The following CDKN2B-AS1 variants were observed in gnomAD, a reference collection of about 807,000 sequenced individuals.
CDKN2B-AS1 encodes CDKN2B antisense RNA 1 (non-protein coding).
intron 4 of CDKN2B-AS1, among the ~76,000 whole-genome samples, chr9:22,064,814 T>A (rs906582709): frequency 6.6e-6 from 1 of 152,120 alleles, no homozygotes; most frequent in Non-Finnish European, 1.5e-5. Flanking sequence ...TCATTTAACA[T>A]CTCATTTCTA....
At chr9:22,061,014 A>T (rs551858448) in intron 4 of CDKN2B-AS1, among the ~76,000 whole-genome samples, 1 of 152,306 alleles carries the variant, frequency 6.6e-6, no homozygotes, top group African/African-American at 2.4e-5. Flanking sequence ...AAACCATATC[A>T]CTATACCACA....
intron 3 of CDKN2B-AS1, among the ~76,000 whole-genome samples, chr9:22,052,774 T>C (rs1185904232): frequency 6.6e-6 from 1 of 152,238 alleles, no homozygotes; most frequent in Non-Finnish European, 1.5e-5. Flanking sequence ...TTAACCTGAA[T>C]TGGGTTCTCA....
intron 3 of CDKN2B-AS1, among the ~76,000 whole-genome samples, chr9:22,052,498 T>G (rs1373119335): frequency 6.6e-6 from 1 of 152,180 alleles, no homozygotes; most frequent in Non-Finnish European, 1.5e-5. Flanking sequence ...TACAGAAGCA[T>G]TGAGAATTTC....
chr9:22,026,816 A>T (rs1216310565), intron 1 of CDKN2B-AS1, among the ~76,000 whole-genome samples: 1 of 152,186 alleles, frequency 6.6e-6, no homozygotes, highest in Non-Finnish European at 1.5e-5. Context: ...CTGAGACTCC[A>T]CGTGGCTGTG....
In CDKN2B-AS1 at chr9:22,123,329, G is replaced by C. The variant is rs539018397; in HGVS notation, n.439-3774G>C. The stretch of plus-strand genomic sequence containing the variant: ...AATTTGACTTCCTCCTTTCCAATTT[G>C]GATGTCCTTTATTTCTTTGTCTTGC... On this transcript the variant is annotated intron_variant and non_coding_transcript_variant, in intron 4 of 4. Coordinates refer to ENST00000650946, the Ensembl canonical transcript of CDKN2B-AS1. Among the ~76,000 whole-genome samples the C allele has an allele frequency of 2.0e-5, 3 of 152,224 alleles. No homozygotes were observed. In the South Asian group the frequency reaches 6.2e-4, roughly 32 times the overall value.
intron 1 of CDKN2B-AS1, among the ~76,000 whole-genome samples, chr9:22,014,208 G>A (rs1330596292): frequency 6.6e-6 from 1 of 152,020 alleles, no homozygotes; most frequent in African/African-American, 2.4e-5. Flanking sequence ...TGTCACCCAG[G>A]CTGGAGTGCA....
chr9:22,108,379 T>A (rs1352973085), intron 4 of CDKN2B-AS1, among the ~76,000 whole-genome samples: 3 of 152,322 alleles, frequency 2.0e-5, no homozygotes, highest in South Asian at 4.1e-4. Flanking sequence ...TGCACATTGC[T>A]TGGTCATTCA....
Position 21,997,743 on chromosome 9 carries a change from T to C in CDKN2B-AS1, n.29+2582T>C, listed in dbSNP as rs191820162. ...GCTTTTTCAAGTCTACTGACTTAAA[T>C]GTTAATCATATCTAAAAAATACCTC... is the stretch of plus-strand genomic sequence containing the variant. On this transcript the variant is annotated intron_variant and non_coding_transcript_variant, in intron 1 of 4. Coordinates refer to ENST00000650946, the Ensembl canonical transcript of CDKN2B-AS1. This position sits in a 1 kb window ranked among gnomAD's most constrained non-coding sequence, Gnocchi z 4.8. Among the ~76,000 whole-genome samples the C allele has an allele frequency of 8.4e-4, 128 of 152,214 alleles. 1 individual carries two copies. Among genetic ancestry groups the C allele is most frequent in the Non-Finnish European group, 1.2e-3 (83 of 68,014 alleles).
At chr9:22,015,061 A>C (rs1821680299) in intron 1 of CDKN2B-AS1, among the ~76,000 whole-genome samples, 1 of 151,996 alleles carries the variant, frequency 6.6e-6, no homozygotes, top group Admixed American at 6.6e-5. Context: ...ATAGTGCCGC[A>C]ATAAACATAC....
chr9:22,038,794 G>A (rs1396450735), intron 1 of CDKN2B-AS1, among the ~76,000 whole-genome samples: 1 of 151,984 alleles, frequency 6.6e-6, no homozygotes, highest in Non-Finnish European at 1.5e-5. Context: ...TAAAGACAAA[G>A]TATGCATATG....
At chr9:22,124,155 A>C (rs766759577) in intron 4 of CDKN2B-AS1, among the ~76,000 whole-genome samples, 56 of 152,236 alleles carry the variant, frequency 3.7e-4, no homozygotes, top group Non-Finnish European at 5.9e-4. Context: ...CATTTATAAA[A>C]GGTTAGGAAG....
intron 1 of CDKN2B-AS1, among the ~76,000 whole-genome samples, chr9:22,021,894 G>A (rs1822033176): frequency 6.6e-6 from 1 of 152,096 alleles, no homozygotes; most frequent in African/African-American, 2.4e-5. Flanking sequence ...CTTGATTTCT[G>A]CCTTAATTTG....
At chr9:22,064,789 A>G (rs1823972336) in intron 4 of CDKN2B-AS1, among the ~76,000 whole-genome samples, 1 of 152,148 alleles carries the variant, frequency 6.6e-6, no homozygotes, top group South Asian at 2.1e-4. Context: ...TGAGTGGCCA[A>G]ACACACAATG....
chr9:22,074,426 T>G (rs374787933), intron 4 of CDKN2B-AS1, among the ~76,000 whole-genome samples: 1 of 152,216 alleles, frequency 6.6e-6, no homozygotes, highest in East Asian at 1.9e-4. Context: ...AAGTCTTTGA[T>G]GAAGAGGACA....
chr9:22,092,740 T>C (rs2131344289), intron 4 of CDKN2B-AS1, among the ~76,000 whole-genome samples: 1 of 152,288 alleles, frequency 6.6e-6, no homozygotes, highest in Admixed American at 6.5e-5. Context: ...TTGCTAGTGG[T>C]CTATCAATTT....
Position 22,119,947 on chromosome 9 carries a change from A to C in CDKN2B-AS1, n.439-7156A>C, listed in dbSNP as rs1826056443. The C allele has an allele frequency of 2.6e-5, 4 of 152,312 alleles. No homozygotes were observed. In the South Asian group the frequency reaches 8.3e-4, roughly 32 times the overall value. 9.4% of individuals were successfully genotyped at this position (152,312 alleles called of 1,614,324 possible). A position where few individuals can be genotyped will look rare whatever the true frequency, so the allele number is the denominator to read the frequency against. On this transcript the variant is annotated intron_variant and non_coding_transcript_variant, in intron 4 of 4. Coordinates refer to ENST00000650946, the Ensembl canonical transcript of CDKN2B-AS1. ...TGAGGTGGCATAGAACTTTAGCATG[A>C]ACTTGAGCTTGGGTTCAGCTAGACT...
chr9:22,065,064 A>C (rs1277013187), intron 4 of CDKN2B-AS1, among the ~76,000 whole-genome samples: 1 of 152,174 alleles, frequency 6.6e-6, no homozygotes, highest in African/African-American at 2.4e-5. Flanking sequence ...ACCCTTTAAC[A>C]AAGCCAAGAT....
chr9:22,106,610 G>A (rs1419860994), intron 4 of CDKN2B-AS1, among the ~76,000 whole-genome samples: 1 of 152,188 alleles, frequency 6.6e-6, no homozygotes, highest in Non-Finnish European at 1.5e-5. Flanking sequence ...AATAATATAT[G>A]TAAATGCCTT....
intron 4 of CDKN2B-AS1, among the ~76,000 whole-genome samples, chr9:22,104,037 A>G (rs1825577105): frequency 1.3e-5 from 2 of 152,212 alleles, no homozygotes; most frequent in Admixed American, 1.3e-4. Flanking sequence ...TTATTAGTCA[A>G]TATTGTGCTA....
Sources: allele counts gnomAD v4.1 joint callset (sites outside exome capture counted in the v4.1 genomes callset), GRCh38; gene constraint gnomAD v4.1.1; non-coding constraint Gnocchi (gnomAD v3.1); transcripts MANE v1.5; gene names NCBI Gene and HGNC (gene_info 2026-07-23, HGNC 2026-07-21).